PADI4: variants seen among roughly 807,000 people sequenced by gnomAD.
PADI4 encodes the protein peptidyl arginine deiminase 4.
Under a neutral mutation model 75.0 loss-of-function variants are expected in PADI4, and 62 were observed. The ratio of observed to expected loss-of-function variants is 0.83; its 90% CI spans 0.67 to 1.02. The LOEUF is 1.02. PADI4 is among the 50% of genes least tolerant of loss of function. PADI4 has a pLI of 0.00. For missense variants in PADI4, 845 were observed against 850.5 expected (o/e 0.99, Z 0.08); for synonymous variants, 361 against 348.1 (o/e 1.04, Z -0.41).
Position 17,356,131 on chromosome 1 carries a change from C to T in PADI4, c.1455+4C>T. 6.2e-7 allele frequency: 1 copy of T among 1,613,918 alleles called. No individual in the cohort carries two copies. Among genetic ancestry groups the T allele is most frequent in the Non-Finnish European group, 8.5e-7 (1 of 1,179,868 alleles). ...TGTGCCAGCACCCGACAGGAAGGTA[C>T]AGTCTTGGGGGCTGCCTCAGGAAGC... is the stretch of plus-strand genomic sequence containing the variant. On this transcript the variant is annotated splice_donor_region_variant and intron_variant, in intron 12 of 15. Coordinates refer to ENST00000375448, the MANE Select transcript of PADI4 (RefSeq NM_012387.3). This position sits in a 1 kb window ranked among gnomAD's most constrained non-coding sequence, Gnocchi z 4.1.
chr1:17,352,444 C>T (rs544490232), intron 10 of PADI4, among the ~76,000 whole-genome samples: 3 of 152,088 alleles, frequency 2.0e-5, no homozygotes, highest in African/African-American at 7.2e-5. Flanking sequence ...GAAAAGGGAA[C>T]AAGCCCTGCT....
chr1:17,362,895 C>T (rs1303783029), intron 15 of PADI4, among the ~76,000 whole-genome samples: 3 of 152,120 alleles, frequency 2.0e-5, no homozygotes, highest in African/African-American at 4.8e-5. Context: ...GGAATGATCT[C>T]GGCTCACTGA....
rs986615022 is a variant in PADI4 at position 17,356,524 on chromosome 1, C to T, written c.1558+65C>T. On this transcript the variant is annotated intron_variant, in intron 13 of 15. Coordinates refer to ENST00000375448, the MANE Select transcript of PADI4 (RefSeq NM_012387.3). This position sits in a 1 kb window ranked among gnomAD's most constrained non-coding sequence, Gnocchi z 4.1. ...CCTGCTTCCCATAGTCCGCTGTTGC[C>T]TGGAGGGAATCATCCAGGCAATAGG... 2 of 970,634 alleles carry T rather than the reference C, an allele frequency of 2.1e-6. No individual in the cohort carries two copies. The highest frequency in any genetic ancestry group is 4.0e-5 in the Admixed American group (2 of 49,736). 60.1% of individuals were successfully genotyped at this position (970,634 alleles called of 1,614,324 possible).
intron 1 of PADI4, among the ~76,000 whole-genome samples, chr1:17,325,757 G>A (rs1477080183): frequency 6.6e-6 from 1 of 150,646 alleles, no homozygotes; most frequent in Non-Finnish European, 1.5e-5. Context: ...TACCCAGGCT[G>A]GAGTGCAATG....
At chr1:17,308,420 C>A (rs572342564) in intron 1 of PADI4, 106 bp downstream of exon 1, 2 of 835,876 alleles carry the variant, frequency 2.4e-6, no homozygotes, top group South Asian at 1.5e-5. Flanking sequence ...TAGGCTCCAG[C>A]CTCTGCAGCC....
At chr1:17,362,059 T>C in intron 15 of PADI4, among the ~76,000 whole-genome samples, 1 of 151,886 alleles carries the variant, frequency 6.6e-6, no homozygotes, top group East Asian at 1.9e-4. Context: ...GAGAACGTAG[T>C]GTTAAGAGCA....
rs2074383061 is a variant in PADI4 at position 17,339,820 on chromosome 1, C to T, written c.652+7C>T. ...AGGGTGTTTCAGGCCACACGTAAGT[C>T]ATCCCCATCTTTGTTCCCCTCCTGC... On this transcript the variant is annotated splice_region_variant and intron_variant, in intron 6 of 15. Transcript: ENST00000375448. 1 of 1,596,148 alleles carries T rather than the reference C, an allele frequency of 6.3e-7. No individual in the cohort carries two copies. Among genetic ancestry groups the T allele is most frequent in the Non-Finnish European group, 8.5e-7 (1 of 1,170,738 alleles).
At chr1:17,327,559 T>C (rs1228257551) in intron 1 of PADI4, among the ~76,000 whole-genome samples, 2 of 151,748 alleles carry the variant, frequency 1.3e-5, no homozygotes, top group Non-Finnish European at 2.9e-5. Flanking sequence ...TTTTTTTTTT[T>C]GAGATGGAGT....
chr1:17,358,992 G>C, intron 14 of PADI4, 84 bp downstream of exon 14: 3 of 895,792 alleles, frequency 3.3e-6, no homozygotes, highest in Non-Finnish European at 5.3e-6. Flanking sequence ...GAGGCACACA[G>C]AGGCTCAGGG....
chr1:17,362,042 A>G (rs2074854929), intron 15 of PADI4, among the ~76,000 whole-genome samples: 1 of 152,118 alleles, frequency 6.6e-6, no homozygotes, highest in Admixed American at 6.6e-5. Flanking sequence ...GGTGACAGGT[A>G]GGGGAGGAGA....
At chr1:17,351,602 C>A in intron 10 of PADI4, among the ~76,000 whole-genome samples, 1 of 112,790 alleles carries the variant, frequency 8.9e-6, no homozygotes. Flanking sequence ...GGAGTAAGAC[C>A]TGGTCTCAAA....
intron 13 of PADI4, among the ~76,000 whole-genome samples, chr1:17,357,751 T>C (rs1365237452): frequency 6.7e-6 from 1 of 148,162 alleles, no homozygotes; most frequent in Non-Finnish European, 1.5e-5. Flanking sequence ...GCCAAGATGG[T>C]GAAACCCCGT....
chr1:17,338,991 C>T (rs930148845), intron 5 of PADI4, among the ~76,000 whole-genome samples: 10 of 152,166 alleles, frequency 6.6e-5, no homozygotes, highest in Admixed American at 1.3e-4. Context: ...TGGGCACTCC[C>T]GGGGTGCCAA....
intron 1 of PADI4, among the ~76,000 whole-genome samples, chr1:17,323,031 G>T (rs146137235): frequency 5.3e-5 from 8 of 152,304 alleles, no homozygotes; most frequent in African/African-American, 9.6e-5. Flanking sequence ...TCAAGGTATT[G>T]GTAGAGCCGT....
In PADI4 at chr1:17,356,214, T is replaced by C. The variant is rs2074757626; in HGVS notation, c.1455+87T>C. The C allele has an allele frequency of 6.8e-7, 1 of 1,465,752 alleles. No individual in the cohort carries two copies. Among genetic ancestry groups the C allele is most frequent in the South Asian group, 1.2e-5 (1 of 80,856 alleles). The allele number at this position is 1,465,752 out of a possible 1,614,324, so 90.8% of individuals were successfully genotyped here. On this transcript the variant is annotated intron_variant, in intron 12 of 15. Transcript: ENST00000375448. This position sits in a 1 kb window ranked among gnomAD's most constrained non-coding sequence, Gnocchi z 4.1. The stretch of plus-strand genomic sequence containing the variant: ...GGGTGGGAGCAACTTTACTTGTCTA[T>C]TTCTCCTTCACCCTTAGGATGGCAG...
chr1:17,344,012 A>G (rs937520898), intron 8 of PADI4, among the ~76,000 whole-genome samples: 3 of 152,180 alleles, frequency 2.0e-5, no homozygotes, highest in African/African-American at 7.2e-5. Flanking sequence ...GGAAGACAGG[A>G]AAATGTGGGA....
chr1:17,349,193 C>T (rs991311348), intron 10 of PADI4, among the ~76,000 whole-genome samples: 4 of 152,302 alleles, frequency 2.6e-5, no homozygotes, highest in African/African-American at 9.6e-5. Flanking sequence ...TGACTTTGCC[C>T]TCTTTCTGCT....
At chr1:17,315,620 T>A (rs961696422) in intron 1 of PADI4, among the ~76,000 whole-genome samples, 1 of 151,918 alleles carries the variant, frequency 6.6e-6, no homozygotes, top group Non-Finnish European at 1.5e-5. Context: ...GGTTTTTTGC[T>A]TCCATGGCCC....
chr1:17,340,027 TTCTC>T (rs1028524467), intron 6 of PADI4, among the ~76,000 whole-genome samples: 2 of 141,300 alleles, frequency 1.4e-5, no homozygotes, highest in Non-Finnish European at 3.1e-5. Flanking sequence ...CTGCTTTTCT[TTCTC>T]TCTCTCTCAC....
Sources: gnomAD v4.1 joint callset for allele counts (sites outside exome capture counted in the v4.1 genomes callset) on GRCh38, gnomAD v4.1.1 for gene constraint, Gnocchi (gnomAD v3.1) non-coding constraint, MANE v1.5 for transcripts, NCBI Gene and HGNC (gene_info 2026-07-23, HGNC 2026-07-21) for gene names.